FAM167A: variants seen among roughly 807,000 people sequenced by gnomAD.
The protein encoded by FAM167A is family with sequence similarity 167 member A, also known as protein FAM167A.
Under a neutral mutation model 14.9 loss-of-function variants are expected in FAM167A, and 23 were observed. The ratio of observed to expected loss-of-function variants is 1.55; its 90% confidence interval spans 1.11 to 2.19. The LOEUF (loss-of-function observed/expected upper bound fraction) is 2.19, where lower values mean the gene tolerates loss of function less well. Ranked by LOEUF, FAM167A falls within the 30% of genes most tolerant of loss-of-function variation. The pLI, the probability that FAM167A is intolerant of heterozygous loss-of-function variation, is 0.00. For synonymous variants in FAM167A, 174 were observed against 117.7 expected, an observed-to-expected ratio of 1.48 and a Z score of -3.10; for missense variants, 401 against 281.5, an observed-to-expected ratio of 1.42 and a Z score of -3.04.
chr8:11,426,252 C>A (rs923441460), intron 2 of FAM167A, among the ~76,000 whole-genome samples: 1 of 152,166 alleles, frequency 6.6e-6, no homozygotes, highest in African/African-American at 2.4e-5. Flanking sequence ...TTAGGCTGAA[C>A]CAAGGTATAC....
chr8:11,438,292 C>T (rs1216570890), intron 2 of FAM167A: 2 of 400,980 alleles, frequency 5.0e-6, no homozygotes, highest in Non-Finnish European at 1.0e-5. Flanking sequence ...CAGGCAGGAC[C>T]TCCCGGTTGG....
Position 11,424,526 on chromosome 8 carries a change from G to C in FAM167A, c.492C>G (p.Leu164=). ...EHTCRLHRRM[L]NDATYELEER... is the part of the protein sequence containing the mutation. ...CCTCCAGCTCGTAGGTGGCATCGTT[G>C]AGCATCCTCCTGTGGAGGCGGCAGG... Residue 164 remains leucine (L), a synonymous_variant, in exon 3 of 3, where the codon CTC becomes CTG. Transcript: ENST00000284486. 6.2e-7 allele frequency: 1 copy of C among 1,614,204 alleles called. No homozygotes were observed. Among genetic ancestry groups the C allele is most frequent in the Non-Finnish European group, 8.5e-7 (1 of 1,180,028 alleles).
At chr8:11,468,791 C>G (rs1019656865), upstream of FAM167A, among the ~76,000 whole-genome samples, 5 of 152,204 alleles carry the variant, frequency 3.3e-5, no homozygotes, top group Non-Finnish European at 7.3e-5. Flanking sequence ...CAGATGCTTT[C>G]TCATGGGGGA....
rs143742846 is a variant in FAM167A, at chr8:11,462,374, G to A, written c.-398+4252C>T. Among the ~76,000 whole-genome samples the A allele has an allele frequency of 1.3e-3, 205 of 152,320 alleles. 1 individual carries two copies. The highest frequency in any genetic ancestry group is 4.3e-3 in the African/African-American group (180 of 41,568). On this transcript the variant is annotated intron_variant, in intron 1 of 2. Transcript: ENST00000284486. ...CCATGAAACAGGATTGTAATGGATC[G>A]TACCTCACAGTCTTGGAAGGACCAA...
chr8:11,430,395 T>G (rs1805498865), intron 2 of FAM167A, among the ~76,000 whole-genome samples: 1 of 152,188 alleles, frequency 6.6e-6, no homozygotes, highest in South Asian at 2.1e-4. Flanking sequence ...GATGTTTGTT[T>G]TTTTGGGGGC....
chr8:11,424,601 T>C lies in FAM167A; in HGVS notation c.417A>G (p.Arg139=). The change falls in exon 3 of 3, where the codon AGA becomes AGG. Residue 139 remains arginine, a synonymous_variant. Transcript: ENST00000284486. ...TGTCGCCACGCAGGCGCATGAGCTG[T>C]CTGGCCAGTTGCTGGTCCTGCAGCC... The part of the protein sequence containing the change: ...EMRLQDQQLA[R]QLMRLRGDIN... 1 of 1,614,036 alleles carries C rather than the reference T, an allele frequency of 6.2e-7. No individual in the cohort carries two copies. Among genetic ancestry groups the C allele is most frequent in the East Asian group, 2.2e-5 (1 of 44,880 alleles).
At chr8:11,462,553 T>C (rs1452984504) in intron 1 of FAM167A, among the ~76,000 whole-genome samples, 1 of 150,794 alleles carries the variant, frequency 6.6e-6, no homozygotes, top group African/African-American at 2.5e-5. Flanking sequence ...AGAACAGCAT[T>C]TTACTGTGAG....
intron 1 of FAM167A, chr8:11,445,649 AC>A: frequency 1.0e-6 from 1 of 976,032 alleles, no homozygotes; most frequent in Non-Finnish European, 1.2e-6. Flanking sequence ...CCCAGCTCCT[AC>A]CCCATAACAT....
intron 2 of FAM167A, among the ~76,000 whole-genome samples, chr8:11,442,983 G>C (rs561362837): frequency 2.6e-5 from 4 of 152,294 alleles, no homozygotes; most frequent in South Asian, 4.1e-4. Flanking sequence ...TTTAGTTTTC[G>C]GGATTCTGCA....
intron 1 of FAM167A, among the ~76,000 whole-genome samples, chr8:11,459,308 A>G (rs1807447964): frequency 6.6e-6 from 1 of 152,192 alleles, no homozygotes; most frequent in South Asian, 2.1e-4. Context: ...ATTCCAGCTC[A>G]AGTCTCCCCA....
chr8:11,437,471 G>A (rs1356859336), intron 2 of FAM167A, among the ~76,000 whole-genome samples: 2 of 152,178 alleles, frequency 1.3e-5, no homozygotes, highest in African/African-American at 2.4e-5. Context: ...AAACCAAGAA[G>A]TCTTGGTTAA....
chr8:11,458,410 C>A (rs755646761), intron 1 of FAM167A, among the ~76,000 whole-genome samples: 1 of 152,168 alleles, frequency 6.6e-6, no homozygotes, highest in Non-Finnish European at 1.5e-5. Flanking sequence ...ATGTGCCTCT[C>A]GGGTGAACAG....
rs139806516 is a variant in FAM167A at position 11,441,071 on chromosome 8, C to T, written c.381+2960G>A. 4.0e-3 allele frequency among the ~76,000 whole-genome samples: 608 copies of T among 152,358 alleles called. 4 individuals are homozygous for T. Among genetic ancestry groups the T allele is most frequent in the South Asian group, 6.8e-3 (33 of 4,828 alleles). Reference sequence around the variant, plus strand: ...ACTGCACGTCCAGCCTGCCTGCCTACCTGCCAGCCAGTCTGTGTCTGGTGT... The same window carrying T: ...ACTGCACGTCCAGCCTGCCTGCCTATCTGCCAGCCAGTCTGTGTCTGGTGT... On this transcript the variant is annotated intron_variant, in intron 2 of 2. Coordinates refer to ENST00000284486, the MANE Select transcript of FAM167A (RefSeq NM_053279.3).
At chr8:11,427,669 G>A (rs536719671) in intron 2 of FAM167A, among the ~76,000 whole-genome samples, 363 of 152,104 alleles carry the variant, frequency 2.4e-3, no homozygotes, top group African/African-American at 7.3e-3. Context: ...TTCCTCTCTC[G>A]TTTTTTATGC....
chr8:11,466,885 G>C (rs1807797507), upstream of FAM167A: 1 of 152,050 alleles, frequency 6.6e-6, no homozygotes, highest in Non-Finnish European at 1.5e-5. Context: ...CCCCGGGTCC[G>C]AGCGCGCCCC....
intron 2 of FAM167A, among the ~76,000 whole-genome samples, chr8:11,438,995 C>G (rs967330626): frequency 1.3e-5 from 2 of 152,222 alleles, no homozygotes; most frequent in African/African-American, 4.8e-5. Flanking sequence ...GTACCCTGTT[C>G]TGAAGGGTTT....
chr8:11,441,044 G>A (rs892431020), intron 2 of FAM167A, among the ~76,000 whole-genome samples: 6 of 152,240 alleles, frequency 3.9e-5, no homozygotes, highest in African/African-American at 1.2e-4. Flanking sequence ...GCAGCAGGCG[G>A]AACTGCACGT....
chr8:11,443,347 C>T (rs1307008173), intron 2 of FAM167A, among the ~76,000 whole-genome samples: 1 of 152,222 alleles, frequency 6.6e-6, no homozygotes, highest in Non-Finnish European at 1.5e-5. Context: ...AAAGTGACCG[C>T]GCTGCGGTCC....
chr8:11,464,450 C>T (rs1287178911), intron 1 of FAM167A, among the ~76,000 whole-genome samples: 2 of 152,140 alleles, frequency 1.3e-5, no homozygotes, highest in African/African-American at 2.4e-5. Context: ...TCCTGCTCCC[C>T]ACCTCCCCCT....
Sources: gnomAD v4.1 joint callset for allele counts (sites outside exome capture counted in the v4.1 genomes callset) on GRCh38, gnomAD v4.1.1 for gene constraint, MANE v1.5 for transcripts, NCBI Gene and HGNC (gene_info 2026-07-23, HGNC 2026-07-21) for gene names.